The following MOXD1 variants were observed in gnomAD, a reference collection of about 807,000 sequenced individuals.
The protein encoded by MOXD1 is DBH-like monooxygenase protein 1.
MOXD1 carries 62 observed loss-of-function variants against 66.6 expected under a neutral mutation model. The ratio of observed to expected loss-of-function variants is 0.93; its 90% CI spans 0.76 to 1.15. The LOEUF (loss-of-function observed/expected upper bound fraction) is 1.15. Among genes scored for constraint, MOXD1 ranks in the 50% most tolerant of loss-of-function variants. The pLI is 0.00. For synonymous variants in MOXD1, 303 were observed against 281.9 expected (o/e 1.07, Z -0.75); for missense variants, 847 against 754.6 (o/e 1.12, Z -1.44).
At chr6:132,359,947 A>T (rs1204176512) in intron 4 of MOXD1, among the ~76,000 whole-genome samples, 1 of 152,232 alleles carries the variant, frequency 6.6e-6, no homozygotes, top group African/African-American at 2.4e-5. Context: ...TCTGATCAAA[A>T]AATCCATTTA....
chr6:132,331,393 T>C (rs972551411), intron 4 of MOXD1, among the ~76,000 whole-genome samples: 2 of 152,156 alleles, frequency 1.3e-5, no homozygotes, highest in Non-Finnish European at 2.9e-5. Context: ...GTGGCCTTCA[T>C]TGAAGTAGAG....
intron 10 of MOXD1, among the ~76,000 whole-genome samples, chr6:132,303,708 TACACACACACAC>T (rs1230084737): frequency 1.5e-5 from 2 of 135,974 alleles, no homozygotes; most frequent in Non-Finnish European, 3.2e-5. Flanking sequence ...ACTGTATACA[TACACACACACAC>T]ACACACACAC....
chr6:132,379,672 C>T (rs1414938796), intron 1 of MOXD1, among the ~76,000 whole-genome samples: 1 of 152,172 alleles, frequency 6.6e-6, no homozygotes, highest in East Asian at 1.9e-4. Context: ...TTCAGTATCA[C>T]ATATTCAAAA....
At chr6:132,329,535 G>C (rs1325065793) in intron 4 of MOXD1, among the ~76,000 whole-genome samples, 1 of 151,902 alleles carries the variant, frequency 6.6e-6, no homozygotes, top group Non-Finnish European at 1.5e-5. Context: ...ACCTCAAAAT[G>C]TTATCTTTAC....
intron 1 of MOXD1, 53 bp from the exon 2 acceptor site, chr6:132,374,830 G>A (rs760573724): frequency 6.7e-7 from 1 of 1,492,570 alleles, no homozygotes; most frequent in African/African-American, 1.4e-5. Flanking sequence ...AGAGAGAAAA[G>A]AATTCATAGG....
Position 132,390,657 on chromosome 6 carries a change from C to T in MOXD1, c.264+10506G>A, listed in dbSNP as rs1424771919. ...CAACATTCTGAGTACTTTCCTGAAA[C>T]AGTCATATGACAGCCACAGACAATT... On this transcript the variant is annotated intron_variant, in intron 1 of 11. Coordinates refer to ENST00000367963, the MANE Select transcript of MOXD1 (RefSeq NM_015529.4). The T allele has an allele frequency of 9.9e-5, 15 of 151,550 alleles. No individual in the cohort carries two copies. In the Admixed American group the frequency reaches 9.9e-4, roughly 10 times the overall value. The allele number at this position is 151,550 out of a possible 1,614,324, so 9.4% of individuals were successfully genotyped here.
Position 132,297,127 on chromosome 6 carries a change from C to G in MOXD1, c.*26G>C, listed in dbSNP as rs1774419230. 3 of 1,609,216 alleles carry G rather than the reference C, an allele frequency of 1.9e-6. No individual in the cohort carries two copies. Among genetic ancestry groups the G allele is most frequent in the East Asian group, 4.5e-5 (2 of 44,820 alleles). On this transcript the variant is annotated 3_prime_UTR_variant, in exon 12 of 12. Transcript: ENST00000367963. ...AATGACAGGTTCAGATCATAGAAAA[C>G]ATTGTCAAGTCCAACAGAATTTTGA...
At chr6:132,354,104 G>A (rs1775862019) in intron 4 of MOXD1, among the ~76,000 whole-genome samples, 1 of 152,026 alleles carries the variant, frequency 6.6e-6, no homozygotes, top group African/African-American at 2.4e-5. Flanking sequence ...CCTTTCGCTG[G>A]TGTCTCCCTG....
In MOXD1 at chr6:132,329,211, G is replaced by A. The variant is rs1036365483; in HGVS notation, c.664-617C>T. ...TTCCCACCTATGAGTGAGAACATGC[G>A]GTGTTTGGTTTTCTGTCCTTGGCGA... On this transcript the variant is annotated intron_variant, in intron 4 of 11. Transcript: ENST00000367963. Among the ~76,000 whole-genome samples the A allele has an allele frequency of 5.9e-5, 9 of 152,094 alleles. No individual in the cohort carries two copies. The East Asian group carries it at 1.5e-3, about 26-fold the overall frequency.
At chr6:132,301,394 C>G (rs1008642312) in intron 10 of MOXD1, among the ~76,000 whole-genome samples, 1 of 151,920 alleles carries the variant, frequency 6.6e-6, no homozygotes, top group Non-Finnish European at 1.5e-5. Flanking sequence ...GAACATAAAG[C>G]TATTTATTCT....
intron 10 of MOXD1, among the ~76,000 whole-genome samples, chr6:132,314,494 C>T (rs1258048772): frequency 6.6e-6 from 1 of 152,220 alleles, no homozygotes; most frequent in Non-Finnish European, 1.5e-5. Flanking sequence ...CCCATAAAGT[C>T]CTAAATCATC....
chr6:132,341,211 G>A (rs1000174829), intron 4 of MOXD1, among the ~76,000 whole-genome samples: 1 of 152,120 alleles, frequency 6.6e-6, no homozygotes, highest in African/African-American at 2.4e-5. Context: ...TTACAAAAGG[G>A]TTTGAAAGAC....
At chr6:132,358,280 TACTAATA>T (rs1775947097) in intron 4 of MOXD1, among the ~76,000 whole-genome samples, 1 of 152,186 alleles carries the variant, frequency 6.6e-6, no homozygotes, top group African/African-American at 2.4e-5. Flanking sequence ...ATAATACACG[TACTAATA>T]ACACCTATGT....
intron 1 of MOXD1, among the ~76,000 whole-genome samples, chr6:132,385,324 G>A (rs985409123): frequency 1.7e-4 from 26 of 152,082 alleles, no homozygotes; most frequent in Admixed American, 1.5e-3. Flanking sequence ...GAAACTTCAC[G>A]CTCAGCTTTG....
intron 1 of MOXD1, 100 bp from the exon 2 acceptor site, chr6:132,374,877 T>G (rs3734744): frequency 0.19 from 229,909 of 1,214,052 alleles, 30,572 homozygotes; most frequent in African/African-American, 0.65. Context: ...TAGAGTTATT[T>G]TATAAATCCC....
chr6:132,342,555 T>A (rs1304205888), intron 4 of MOXD1, among the ~76,000 whole-genome samples: 1 of 152,234 alleles, frequency 6.6e-6, no homozygotes, highest in Non-Finnish European at 1.5e-5. Flanking sequence ...TGTATGAGTG[T>A]CTGTGTGTGT....
chr6:132,355,593 A>G (rs868263440), intron 4 of MOXD1, among the ~76,000 whole-genome samples: 12 of 152,284 alleles, frequency 7.9e-5, no homozygotes, highest in Middle Eastern at 6.8e-3. Context: ...CTAGAGAACA[A>G]GATACTATAA....
chr6:132,319,742 AC>A (rs890864106), intron 9 of MOXD1, among the ~76,000 whole-genome samples: 1 of 151,824 alleles, frequency 6.6e-6, no homozygotes, highest in Non-Finnish European at 1.5e-5. Context: ...GAAAAAAAAA[AC>A]GGTATTTCAT....
At chr6:132,396,198 G>C (rs899555265) in intron 1 of MOXD1, among the ~76,000 whole-genome samples, 2 of 151,954 alleles carry the variant, frequency 1.3e-5, no homozygotes, top group Admixed American at 6.6e-5. Flanking sequence ...TATCTTCTCA[G>C]ACCACAATGA....
Sources: gnomAD v4.1 joint callset for allele counts (sites outside exome capture counted in the v4.1 genomes callset) on GRCh38, gnomAD v4.1.1 for gene constraint, MANE v1.5 for transcripts, NCBI Gene and HGNC (gene_info 2026-07-23, HGNC 2026-07-21) for gene names.